Variants in ANKS6 observed in about 807,000 individuals in gnomAD.
ANKS6 encodes ankyrin repeat and sterile alpha motif domain containing 6, also known as ankyrin repeat and SAM domain-containing protein 6.
In ANKS6, 47 loss-of-function variants were observed where a neutral mutation model predicts 77.9. The ratio of observed to expected loss-of-function variants is 0.60; its 90% CI spans 0.48 to 0.77. The LOEUF is 0.77. ANKS6 is among the 30% of genes least tolerant of loss of function. The pLI, the probability that ANKS6 is intolerant of heterozygous loss-of-function variation, is 0.00. For missense variants in ANKS6, 1,150 were observed against 1,159.1 expected (o/e 0.99, Z 0.11); for synonymous variants, 488 against 501.7 (o/e 0.97, Z 0.37).
chr9:98,759,797 A>G (rs548409106), intron 11 of ANKS6, among the ~76,000 whole-genome samples: 1 of 152,310 alleles, frequency 6.6e-6, no homozygotes, highest in African/African-American at 2.4e-5. Flanking sequence ...AAAGATGATC[A>G]ATGTAAGTAA....
intron 11 of ANKS6, among the ~76,000 whole-genome samples, chr9:98,767,217 C>A (rs1011839313): frequency 1.3e-5 from 2 of 152,206 alleles, no homozygotes; most frequent in South Asian, 4.1e-4. Flanking sequence ...TGCCCAGAAG[C>A]AGGGAGACAA....
intron 11 of ANKS6, among the ~76,000 whole-genome samples, chr9:98,765,054 A>T (rs995425657): frequency 6.6e-6 from 1 of 152,264 alleles, no homozygotes; most frequent in Non-Finnish European, 1.5e-5. Context: ...TGAGTGGAAA[A>T]AGAAGACCCT....
At chr9:98,793,967 C>T (rs189587413) in intron 1 of ANKS6, among the ~76,000 whole-genome samples, 51 of 150,214 alleles carry the variant, frequency 3.4e-4, no homozygotes, top group African/African-American at 1.2e-3. Context: ...CTGGCCAACA[C>T]AGTGAAACCC....
In ANKS6 at chr9:98,735,039, G is replaced by GGACAGATGAGAGA; in HGVS notation, c.*1467_*1479dup. 3.0e-6 allele frequency: 3 copies of GGACAGATGAGAGA among 985,390 alleles called. No homozygotes were observed. The highest frequency in any genetic ancestry group is 3.6e-6 in the Non-Finnish European group (3 of 829,920). The allele number at this position is 985,390 out of a possible 1,614,324, so 61.0% of individuals were successfully genotyped here. On this transcript the variant is annotated 3_prime_UTR_variant, in exon 15 of 15. Coordinates refer to ENST00000353234, the MANE Select transcript of ANKS6 (RefSeq NM_173551.5). ...GAATGGGCTTTCATGGCTGGGGGAG[G>GGACAGATGAGAGA]GACAGATGAGAGATGGCACCTCCCA...
At position 98,734,700 on chromosome 9, in the gene ANKS6, C is replaced by T. The variant is rs559350578; in HGVS notation, c.*1819G>A. ...CCTAAGCATCCGTTTCCCGAATGTG[C>T]AAGATGAGGTTACACAATGCCACCT... On this transcript the variant is annotated 3_prime_UTR_variant, in exon 15 of 15. Transcript: ENST00000353234. 5 of 932,938 alleles carry T rather than the reference C, an allele frequency of 5.4e-6. No individual in the cohort carries two copies. The South Asian group carries it at 1.5e-4, about 28-fold the overall frequency. 57.8% of individuals were successfully genotyped at this position (932,938 alleles called of 1,614,324 possible).
At chr9:98,777,583 G>A (rs7035722) in intron 7 of ANKS6, 129 bp from the exon 8 acceptor site, 1 of 777,856 alleles carries the variant, frequency 1.3e-6, no homozygotes, top group Non-Finnish European at 2.1e-6. Context: ...ATAATAATTG[G>A]TATTCGATAT....
intron 10 of ANKS6, 25 bp downstream of exon 10, chr9:98,770,869 CCT>C: frequency 7.1e-7 from 1 of 1,412,496 alleles, no homozygotes; most frequent in Non-Finnish European, 9.3e-7. Context: ...ACCCCACCTC[CCT>C]GAGTGGCCCT....
chr9:98,762,379 T>C (rs927816520), intron 11 of ANKS6, among the ~76,000 whole-genome samples: 1 of 152,202 alleles, frequency 6.6e-6, no homozygotes, highest in Non-Finnish European at 1.5e-5. Flanking sequence ...AGAACAGATA[T>C]AGTTTTGTTT....
At chr9:98,747,068 A>T (rs950698432) in intron 13 of ANKS6, among the ~76,000 whole-genome samples, 3 of 152,226 alleles carry the variant, frequency 2.0e-5, no homozygotes, top group Non-Finnish European at 2.9e-5. Context: ...CCCACCACAT[A>T]AATTACAGGG....
intron 2 of ANKS6, among the ~76,000 whole-genome samples, chr9:98,786,665 T>C (rs1834590804): frequency 6.6e-6 from 1 of 152,218 alleles, no homozygotes; most frequent in South Asian, 2.1e-4. Flanking sequence ...TGTGAAATAC[T>C]ATCAAGAAAC....
At chr9:98,769,179 A>G (rs1833489514) in intron 10 of ANKS6, among the ~76,000 whole-genome samples, 6 of 151,978 alleles carry the variant, frequency 3.9e-5, no homozygotes, top group Admixed American at 3.9e-4. Flanking sequence ...GATAATACCC[A>G]GGGCTGGGGG....
chr9:98,791,498 T>C lies in ANKS6; in HGVS notation c.360-892A>G, dbSNP rs1183452973. Among the ~76,000 whole-genome samples the C allele has an allele frequency of 6.6e-6, 1 of 152,084 alleles. No individual in the cohort carries two copies. The highest frequency in any genetic ancestry group is 2.4e-5 in the African/African-American group (1 of 41,392). ...AAACAGGTACCTCTTCCCAGCAAAA[T>C]CTCTTCCTTCTTTTAACACCAGAGG... is the stretch of plus-strand genomic sequence containing the variant. On this transcript the variant is annotated intron_variant, in intron 1 of 14. Transcript: ENST00000353234. The surrounding 1 kb of genome is among the most constrained non-coding windows in gnomAD (Gnocchi z 4.3).
intron 2 of ANKS6, 198 bp downstream of exon 2, chr9:98,789,906 T>C (rs1834795687): frequency 1.4e-6 from 1 of 721,574 alleles, no homozygotes; most frequent in African/African-American, 1.8e-5. Flanking sequence ...ACCAAATCAC[T>C]CTGCAGAGAG....
intron 11 of ANKS6, among the ~76,000 whole-genome samples, chr9:98,761,052 T>C (rs1254424173): frequency 6.6e-6 from 1 of 152,230 alleles, no homozygotes; most frequent in Non-Finnish European, 1.5e-5. Context: ...CCAGCAACTG[T>C]ACCTTTTTAA....
intron 1 of ANKS6, among the ~76,000 whole-genome samples, chr9:98,794,523 C>T (rs1835074090): frequency 6.6e-6 from 1 of 152,182 alleles, no homozygotes. Context: ...AGCTGGAGCA[C>T]AACTCAACAC....
chr9:98,793,338 T>A (rs1835006192), intron 1 of ANKS6, among the ~76,000 whole-genome samples: 1 of 152,220 alleles, frequency 6.6e-6, no homozygotes, highest in Non-Finnish European at 1.5e-5. Flanking sequence ...CGCCACTTGG[T>A]AGCTATGTTA....
Position 98,732,580 on chromosome 9 carries a change from A to C in ANKS6, c.*3939T>G. On this transcript the variant is annotated 3_prime_UTR_variant, in exon 15 of 15. Coordinates refer to ENST00000353234, the MANE Select transcript of ANKS6 (RefSeq NM_173551.5). ...TACGTCAGGGCAGAAGGGAGAGAAGAAAGAGAGATGAGAGATGAAAGGATT... is the reference window on the plus strand; with the variant it reads ...TACGTCAGGGCAGAAGGGAGAGAAGCAAGAGAGATGAGAGATGAAAGGATT... 1 of 1,550,456 alleles carries C rather than the reference A, an allele frequency of 6.4e-7. No individual in the cohort carries two copies. Among genetic ancestry groups the C allele is most frequent in the Admixed American group, 2.0e-5 (1 of 51,014 alleles).
At chr9:98,737,289 G>A (rs1170752406) in intron 14 of ANKS6, among the ~76,000 whole-genome samples, 2 of 152,088 alleles carry the variant, frequency 1.3e-5, no homozygotes, top group South Asian at 2.1e-4. Flanking sequence ...TCAAACTGTC[G>A]CTGTTTGCTG....
chr9:98,743,039 G>A (rs1348229628), intron 14 of ANKS6, among the ~76,000 whole-genome samples: 1 of 152,204 alleles, frequency 6.6e-6, no homozygotes, highest in Non-Finnish European at 1.5e-5. Flanking sequence ...CAAGGAGGCC[G>A]TAGCCACAGA....
Sources: gnomAD v4.1 joint callset for allele counts (sites outside exome capture counted in the v4.1 genomes callset) on GRCh38, gnomAD v4.1.1 for gene constraint, Gnocchi (gnomAD v3.1) non-coding constraint, MANE v1.5 for transcripts, NCBI Gene and HGNC (gene_info 2026-07-23, HGNC 2026-07-21) for gene names.